NRG3: variants seen among roughly 807,000 people sequenced by gnomAD.
The protein encoded by NRG3 is pro-neuregulin-3, membrane-bound isoform.
In NRG3, 31 loss-of-function variants were observed where a neutral mutation model predicts 66.9. That is an observed-to-expected ratio of 0.46 (90% CI 0.35 to 0.63). NRG3 has a LOEUF of 0.63. NRG3 is among the 20% of genes least tolerant of loss of function. The probability of loss-of-function intolerance (pLI) is 0.00; values close to 1 mark genes in which losing one functional copy is unlikely to be tolerated. For missense variants in NRG3, 910 were observed against 878.9 expected (o/e 1.04, Z -0.45); for synonymous variants, 393 against 359.4 (o/e 1.09, Z -1.06).
intron 3 of NRG3, among the ~76,000 whole-genome samples, chr10:82,753,126 G>A (rs2058941325): frequency 6.6e-6 from 1 of 152,000 alleles, no homozygotes; most frequent in Non-Finnish European, 1.5e-5. Flanking sequence ...TAAATCCTCT[G>A]TTTTCCAAAG....
At chr10:82,408,081 G>GAGAGAGAGAGAGAA (rs1564888020) in intron 2 of NRG3, among the ~76,000 whole-genome samples, 7 of 67,064 alleles carry the variant, frequency 1.0e-4, no homozygotes, top group African/African-American at 3.4e-4. Context: ...GAGAGAGAGA[G>GAGAGAGAGAGAGAA]AGACAGAAAG....
chr10:82,821,032 A>G (rs768905059), intron 3 of NRG3, among the ~76,000 whole-genome samples: 1 of 152,218 alleles, frequency 6.6e-6, no homozygotes, highest in South Asian at 2.1e-4. Context: ...GAATATCTTA[A>G]AAATGGCTCC....
intron 4 of NRG3, among the ~76,000 whole-genome samples, chr10:82,923,999 G>A (rs1479340018): frequency 1.3e-5 from 2 of 149,290 alleles, no homozygotes; most frequent in Non-Finnish European, 3.0e-5. Flanking sequence ...TCAGGAGGCT[G>A]AGACACGAGA....
At chr10:82,498,460 T>C (rs1388801561) in intron 2 of NRG3, among the ~76,000 whole-genome samples, 1 of 152,156 alleles carries the variant, frequency 6.6e-6, no homozygotes, top group Non-Finnish European at 1.5e-5. Context: ...TAAACATCAC[T>C]GCTTGTCTTC....
intron 4 of NRG3, among the ~76,000 whole-genome samples, chr10:82,905,251 T>G (rs185461509): frequency 4.6e-5 from 7 of 152,328 alleles, no homozygotes; most frequent in Admixed American, 3.3e-4. Context: ...CACACTGGCC[T>G]TGTATTTTCT....
chr10:82,633,755 G>A lies in NRG3; in HGVS notation c.954-104822G>A, dbSNP rs371295574. ...AAATGGAGGCTGTAGCCAAGTTTGG[G>A]AGATGGGCTATTTGACATTAATGTA... On this transcript the variant is annotated intron_variant, in intron 2 of 8. Coordinates refer to ENST00000372141, the MANE Select transcript of NRG3 (RefSeq NM_001010848.4). Among the ~76,000 whole-genome samples, 101 of 152,284 alleles carry A rather than the reference G, an allele frequency of 6.6e-4. 1 individual carries two copies. In the South Asian group the frequency reaches 0.02, roughly 30 times the overall value.
intron 3 of NRG3, among the ~76,000 whole-genome samples, chr10:82,844,065 C>T (rs1287029641): frequency 6.6e-6 from 1 of 152,010 alleles, no homozygotes; most frequent in African/African-American, 2.4e-5. Context: ...TTAACTAAGA[C>T]TATGAATGCC....
chr10:82,624,163 A>T (rs1426212430), intron 2 of NRG3, among the ~76,000 whole-genome samples: 1 of 152,190 alleles, frequency 6.6e-6, no homozygotes, highest in African/African-American at 2.4e-5. Flanking sequence ...TAAATGAGAT[A>T]ATATTCATAA....
At chr10:82,925,656 C>T (rs902424231) in intron 4 of NRG3, among the ~76,000 whole-genome samples, 2 of 152,190 alleles carry the variant, frequency 1.3e-5, no homozygotes, top group Non-Finnish European at 2.9e-5. Context: ...ATTTTTTAAT[C>T]AATCTACGTA....
rs1406743969 is a variant in NRG3, at chr10:82,987,105, T to G, written c.*1500T>G. 1.3e-5 allele frequency: 2 copies of G among 152,210 alleles called. No homozygotes were observed. Among genetic ancestry groups the G allele is most frequent in the Non-Finnish European group, 2.9e-5 (2 of 68,028 alleles). The allele number at this position is 152,210 out of a possible 1,614,324, so 9.4% of individuals were successfully genotyped here. ...AAATTAGTGTTCACATATCCAGTCTTTTTCCAATTATTGGTGGTGTTGAGT... is the reference window on the plus strand; with the variant it reads ...AAATTAGTGTTCACATATCCAGTCTGTTTCCAATTATTGGTGGTGTTGAGT... On this transcript the variant is annotated 3_prime_UTR_variant, in exon 9 of 9. Transcript: ENST00000372141.
intron 1 of NRG3, among the ~76,000 whole-genome samples, chr10:81,905,576 A>G (rs766229799): frequency 6.6e-6 from 1 of 152,210 alleles, no homozygotes. Flanking sequence ...GGGCAATTCA[A>G]TAGAACATAA....
intron 2 of NRG3, among the ~76,000 whole-genome samples, chr10:82,512,605 A>G (rs562480625): frequency 3.3e-4 from 50 of 152,230 alleles, no homozygotes; most frequent in Non-Finnish European, 6.0e-4. Context: ...CAAAACCCCA[A>G]CCTGCCCAAG....
chr10:82,244,936 G>T (rs1030967456), intron 1 of NRG3, among the ~76,000 whole-genome samples: 1 of 152,028 alleles, frequency 6.6e-6, no homozygotes, highest in African/African-American at 2.4e-5. Context: ...GTTTCACCTT[G>T]TTGCCCAGGC....
In NRG3 at chr10:82,987,006, C is replaced by G. The variant is rs1853475633; in HGVS notation, c.*1401C>G. ...TTGGAATAAAGCAATATTTTTACCA[C>G]TGCTAAGGTGAACTGAAACCTCTCC... On this transcript the variant is annotated 3_prime_UTR_variant, in exon 9 of 9. Coordinates refer to ENST00000372141, the MANE Select transcript of NRG3 (RefSeq NM_001010848.4). 6.6e-6 allele frequency: 1 copy of G among 152,202 alleles called. No homozygotes were observed. Among genetic ancestry groups the G allele is most frequent in the South Asian group, 2.1e-4 (1 of 4,828 alleles). The allele number at this position is 152,202 out of a possible 1,614,324, so 9.4% of individuals were successfully genotyped here. A position where few individuals can be genotyped will look rare whatever the true frequency, so the allele number is the denominator to read the frequency against.
At chr10:82,753,594 T>C (rs540184092) in intron 3 of NRG3, among the ~76,000 whole-genome samples, 12 of 152,182 alleles carry the variant, frequency 7.9e-5, no homozygotes, top group African/African-American at 2.9e-4. Context: ...TTCTTTCTTT[T>C]ATTCTTTTAT....
chr10:82,741,123 T>G (rs916984667), intron 3 of NRG3, among the ~76,000 whole-genome samples: 3 of 152,274 alleles, frequency 2.0e-5, no homozygotes, highest in Non-Finnish European at 4.4e-5. Context: ...GAGACACAGC[T>G]TAAATGGAAA....
At chr10:81,957,092 A>C (rs983406896) in intron 1 of NRG3, among the ~76,000 whole-genome samples, 1 of 152,180 alleles carries the variant, frequency 6.6e-6, no homozygotes, top group Admixed American at 6.5e-5. Context: ...GTTATTAGGA[A>C]GCAAGTGTGC....
chr10:81,989,334 A>C (rs2060647061), intron 1 of NRG3, among the ~76,000 whole-genome samples: 1 of 152,118 alleles, frequency 6.6e-6, no homozygotes, highest in South Asian at 2.1e-4. Flanking sequence ...TAGTGTGTAG[A>C]CATCTAGTAT....
At chr10:82,777,247 A>G (rs1173304705) in intron 3 of NRG3, among the ~76,000 whole-genome samples, 1 of 152,050 alleles carries the variant, frequency 6.6e-6, no homozygotes. Flanking sequence ...GTGGCAGCGT[A>G]GTGGCAGGGT....
Sources: gnomAD v4.1 joint callset for allele counts (sites outside exome capture counted in the v4.1 genomes callset) on GRCh38, gnomAD v4.1.1 for gene constraint, MANE v1.5 for transcripts, NCBI Gene and HGNC (gene_info 2026-07-23, HGNC 2026-07-21) for gene names.